The following PIP4K2A variants were observed in gnomAD, a reference collection of about 807,000 sequenced individuals.
PIP4K2A encodes phosphatidylinositol 5-phosphate 4-kinase type-2 alpha.
PIP4K2A carries 14 observed loss-of-function variants against 42.9 expected under a neutral mutation model. The observed-to-expected ratio is 0.33, with a 90% CI of 0.22 to 0.51. The LOEUF (loss-of-function observed/expected upper bound fraction) is 0.51. PIP4K2A is among the 20% of genes least tolerant of loss of function. PIP4K2A has a pLI of 0.97. For synonymous variants in PIP4K2A, 192 were observed against 192.2 expected, an observed-to-expected ratio of 1.00 and a Z score of 0.01; for missense variants, 434 against 519.8, an observed-to-expected ratio of 0.83 and a Z score of 1.61.
At chr10:22,553,011 A>C (rs1836450445) in intron 6 of PIP4K2A, among the ~76,000 whole-genome samples, 1 of 152,162 alleles carries the variant, frequency 6.6e-6, no homozygotes. Flanking sequence ...ATGCCACTTC[A>C]GGTTCACCCC....
intron 6 of PIP4K2A, among the ~76,000 whole-genome samples, chr10:22,561,412 C>T (rs766692976): frequency 1.8e-4 from 28 of 151,898 alleles, no homozygotes; most frequent in African/African-American, 2.9e-4. Context: ...GCACCTATAA[C>T]GCTAAATATT....
intron 1 of PIP4K2A, among the ~76,000 whole-genome samples, chr10:22,634,213 G>A (rs1469413561): frequency 6.6e-6 from 1 of 152,214 alleles, no homozygotes; most frequent in African/African-American, 2.4e-5. Context: ...CCCAGCCAAA[G>A]AGGACGGGAC....
chr10:22,697,345 GAC>G (rs1839993075), intron 1 of PIP4K2A, among the ~76,000 whole-genome samples: 1 of 152,180 alleles, frequency 6.6e-6, no homozygotes, highest in South Asian at 2.1e-4. Flanking sequence ...CATAATTCTT[GAC>G]AGAGTGGCTA....
rs572658414 is a variant in PIP4K2A, at chr10:22,576,723, T to G, written c.493-3266A>C. 7.3e-4 allele frequency among the ~76,000 whole-genome samples: 111 copies of G among 152,312 alleles called. 2 individuals are homozygous for G. The highest frequency in any genetic ancestry group is 2.6e-3 in the African/African-American group (110 of 41,566). ...AAAAGTAGTATGGAAGTGTTATCTA[T>G]CTTTTGAACCTTTTCCATTTTTATT... On this transcript the variant is annotated intron_variant, in intron 4 of 9. Coordinates refer to ENST00000376573, the MANE Select transcript of PIP4K2A (RefSeq NM_005028.5).
chr10:22,600,349 C>T (rs762083209), intron 3 of PIP4K2A, among the ~76,000 whole-genome samples: 1 of 152,058 alleles, frequency 6.6e-6, no homozygotes, highest in Non-Finnish European at 1.5e-5. Context: ...ATGCCAATAC[C>T]GTGCAGAACT....
chr10:22,712,174 A>G (rs1451515205), intron 1 of PIP4K2A, among the ~76,000 whole-genome samples: 1 of 152,246 alleles, frequency 6.6e-6, no homozygotes, highest in Non-Finnish European at 1.5e-5. Context: ...ACTATTTACA[A>G]GTCATACACT....
At chr10:22,583,583 C>T (rs964233054) in intron 4 of PIP4K2A, among the ~76,000 whole-genome samples, 1 of 152,238 alleles carries the variant, frequency 6.6e-6, no homozygotes, top group African/African-American at 2.4e-5. Flanking sequence ...GCTCCCACTC[C>T]TAGCAAAACC....
At chr10:22,709,145 C>G (rs1209808973) in intron 1 of PIP4K2A, among the ~76,000 whole-genome samples, 4 of 151,796 alleles carry the variant, frequency 2.6e-5, no homozygotes, top group African/African-American at 9.7e-5. Flanking sequence ...TGATAAACAC[C>G]TTAAATTTTG....
intron 3 of PIP4K2A, among the ~76,000 whole-genome samples, chr10:22,604,375 G>C (rs1003251789): frequency 2.0e-5 from 3 of 151,914 alleles, no homozygotes; most frequent in African/African-American, 7.3e-5. Flanking sequence ...GTAGCAAAAA[G>C]GTGGTCACAC....
At chr10:22,703,799 A>C (rs1833759832) in intron 1 of PIP4K2A, among the ~76,000 whole-genome samples, 1 of 152,238 alleles carries the variant, frequency 6.6e-6, no homozygotes, top group Non-Finnish European at 1.5e-5. Flanking sequence ...TTCCTGAGAA[A>C]GAAGATTCAA....
chr10:22,579,251 C>T (rs537018341), intron 4 of PIP4K2A, among the ~76,000 whole-genome samples: 4 of 152,232 alleles, frequency 2.6e-5, no homozygotes, highest in South Asian at 2.1e-4. Context: ...AACTGTACCA[C>T]GCAATGTATC....
Position 22,711,266 on chromosome 10 carries a change from AGTT to A in PIP4K2A, c.144+2914_144+2916del, listed in dbSNP as rs372021477. ...CTTGAACATTTTCACCTTAATTGCA[AGTT>A]GTTATGTTTCAATCAAATCGACTTT... On this transcript the variant is annotated intron_variant, in intron 1 of 9. Transcript: ENST00000376573. Among the ~76,000 whole-genome samples the A allele has an allele frequency of 7.2e-5, 11 of 152,274 alleles. No individual in the cohort carries two copies. In the East Asian group the frequency reaches 2.1e-3, roughly 29 times the overall value.
intron 4 of PIP4K2A, among the ~76,000 whole-genome samples, chr10:22,590,590 G>A (rs12765474): frequency 0.26 from 39,893 of 152,134 alleles, 5,576 homozygotes; most frequent in African/African-American, 0.3. Context: ...CAGGCAGGGT[G>A]TGGAGGCTCA....
intron 3 of PIP4K2A, among the ~76,000 whole-genome samples, chr10:22,599,079 A>G (rs1447481204): frequency 1.2e-5 from 1 of 85,704 alleles, no homozygotes; most frequent in Non-Finnish European, 2.7e-5. Context: ...AAATTAAACT[A>G]GTTTCAACCT....
chr10:22,658,629 C>T (rs911996602), intron 1 of PIP4K2A, among the ~76,000 whole-genome samples: 6 of 152,188 alleles, frequency 3.9e-5, no homozygotes, highest in Non-Finnish European at 8.8e-5. Flanking sequence ...TAGATCTTTA[C>T]CAAATCTCTA....
At chr10:22,686,242 T>G (rs1033015805) in intron 1 of PIP4K2A, among the ~76,000 whole-genome samples, 1 of 152,232 alleles carries the variant, frequency 6.6e-6, no homozygotes, top group Non-Finnish European at 1.5e-5. Flanking sequence ...AACTCCTAGA[T>G]AGTTGTTCTT....
At chr10:22,680,248 G>A (rs1280347251) in intron 1 of PIP4K2A, among the ~76,000 whole-genome samples, 3 of 151,990 alleles carry the variant, frequency 2.0e-5, no homozygotes, top group African/African-American at 4.8e-5. Context: ...TTTACTACAC[G>A]AATAAAGCAG....
chr10:22,544,304 A>G (rs1836206033), intron 7 of PIP4K2A, among the ~76,000 whole-genome samples: 1 of 142,736 alleles, frequency 7.0e-6, no homozygotes, highest in Admixed American at 7.2e-5. Flanking sequence ...GTCTTCTCCA[A>G]TGCTTGAGGG....
chr10:22,591,386 C>T (rs1837507433), intron 4 of PIP4K2A, among the ~76,000 whole-genome samples: 1 of 152,202 alleles, frequency 6.6e-6, no homozygotes, highest in South Asian at 2.1e-4. Flanking sequence ...AACTATTACA[C>T]AAGAGTATTT....
Sources: allele counts gnomAD v4.1 joint callset (sites outside exome capture counted in the v4.1 genomes callset), GRCh38; gene constraint gnomAD v4.1.1; transcripts MANE v1.5; gene names NCBI Gene and HGNC (gene_info 2026-07-23, HGNC 2026-07-21).